The following GRIA4 variants were observed in gnomAD, a reference collection of about 807,000 sequenced individuals.
GRIA4 encodes glutamate receptor 4.
In GRIA4, 34 loss-of-function variants were observed where a neutral mutation model predicts 104.0. The ratio of observed to expected loss-of-function variants is 0.33; its 90% CI spans 0.25 to 0.44. The LOEUF (loss-of-function observed/expected upper bound fraction) is 0.44, where lower values mean the gene tolerates loss of function less well. Among genes scored for constraint, GRIA4 ranks in the 20% least tolerant of loss-of-function variants. GRIA4 has a pLI of 1.00. For synonymous variants in GRIA4, 386 were observed against 381.9 expected (o/e 1.01, Z -0.13); for missense variants, 750 against 1,096.5 (o/e 0.68, Z 4.46).
At chr11:105,840,511 T>C (rs1944353170) in intron 4 of GRIA4, among the ~76,000 whole-genome samples, 1 of 152,202 alleles carries the variant, frequency 6.6e-6, no homozygotes. Flanking sequence ...TTAACAGAAA[T>C]GTCCAAATAT....
intron 3 of GRIA4, among the ~76,000 whole-genome samples, chr11:105,647,959 A>AAAATAAATAAATAAAT (rs57841251): frequency 4.3e-4 from 64 of 147,958 alleles, no homozygotes; most frequent in Admixed American, 7.5e-4. Context: ...CCCCTGTATG[A>AAAATAAATAAATAAAT]AAATAAATAA....
At position 105,968,077 on chromosome 11, in the gene GRIA4, G is replaced by A. The variant is rs549024678; in HGVS notation, c.2295-3837G>A. 3.9e-4 allele frequency among the ~76,000 whole-genome samples: 59 copies of A among 152,302 alleles called. 2 individuals carry two copies. In the South Asian group the frequency reaches 0.011, roughly 27 times the overall value. On this transcript the variant is annotated intron_variant, in intron 14 of 16. Coordinates refer to ENST00000282499, the MANE Select transcript of GRIA4 (RefSeq NM_000829.4). ...CCAATGCTGCCAATTCAGTGCAGAA[G>A]GGAAAATACAGAGAGAACTCAGCAC...
chr11:105,660,267 A>G (rs1951967731), intron 3 of GRIA4, among the ~76,000 whole-genome samples: 1 of 151,768 alleles, frequency 6.6e-6, no homozygotes, highest in Non-Finnish European at 1.5e-5. Flanking sequence ...ATTAGAACCC[A>G]AAGGATAAAG....
chr11:105,947,590 T>C (rs1483611457), intron 14 of GRIA4, among the ~76,000 whole-genome samples: 2 of 152,230 alleles, frequency 1.3e-5, no homozygotes, highest in African/African-American at 4.8e-5. Context: ...CTCTGTTTTG[T>C]TGCTTAGTAA....
At chr11:105,695,516 G>A (rs61900312) in intron 3 of GRIA4, among the ~76,000 whole-genome samples, 71,263 of 151,100 alleles carry the variant, frequency 0.47, 17,682 homozygotes, top group Admixed American at 0.58. Flanking sequence ...GTGTGTGTGC[G>A]TGCGCGTTTG....
intron 7 of GRIA4, 145 bp downstream of exon 7, chr11:105,898,572 A>G (rs1946745753): frequency 3.3e-6 from 2 of 604,418 alleles, no homozygotes; most frequent in East Asian, 2.8e-5. Flanking sequence ...TGCCTTGCAC[A>G]TGCTCTTAAT....
chr11:105,747,828 T>C (rs1939753452), intron 3 of GRIA4, among the ~76,000 whole-genome samples: 1 of 152,176 alleles, frequency 6.6e-6, no homozygotes, highest in African/African-American at 2.4e-5. Context: ...GAGCATGTTA[T>C]CACTGCCAAA....
intron 3 of GRIA4, among the ~76,000 whole-genome samples, chr11:105,640,407 C>T (rs1205301864): frequency 1.3e-5 from 2 of 151,698 alleles, no homozygotes; most frequent in African/African-American, 2.4e-5. Context: ...ACAAACAAAA[C>T]AATTAAAATA....
chr11:105,649,699 C>T (rs182731949), intron 3 of GRIA4, among the ~76,000 whole-genome samples: 25 of 152,026 alleles, frequency 1.6e-4, no homozygotes, highest in African/African-American at 3.9e-4. Context: ...AATACTACTG[C>T]GAGTTTTAAT....
At chr11:105,960,697 A>T (rs1049928813) in intron 14 of GRIA4, among the ~76,000 whole-genome samples, 13 of 152,198 alleles carry the variant, frequency 8.5e-5, no homozygotes, top group Non-Finnish European at 1.9e-4. Context: ...AGCAGATTCC[A>T]GCTGAGAGGC....
intron 4 of GRIA4, among the ~76,000 whole-genome samples, chr11:105,776,281 C>T (rs1941446553): frequency 1.3e-5 from 2 of 151,850 alleles, no homozygotes; most frequent in South Asian, 4.2e-4. Context: ...TTATTTATGG[C>T]AGCAAAAAAA....
At chr11:105,688,106 A>T (rs1952943424) in intron 3 of GRIA4, among the ~76,000 whole-genome samples, 1 of 74,644 alleles carries the variant, frequency 1.3e-5, no homozygotes, top group African/African-American at 4.5e-5. Context: ...TCTGTCTCAT[A>T]TCTATATCTA....
At chr11:105,653,668 T>G (rs1234805142) in intron 3 of GRIA4, among the ~76,000 whole-genome samples, 2 of 152,160 alleles carry the variant, frequency 1.3e-5, no homozygotes, top group Non-Finnish European at 2.9e-5. Context: ...GCGAGTGTTT[T>G]TCAGAAAAAT....
intron 5 of GRIA4, among the ~76,000 whole-genome samples, chr11:105,869,074 G>A (rs549650174): frequency 1.3e-5 from 2 of 152,084 alleles, no homozygotes; most frequent in South Asian, 4.1e-4. Context: ...GTTAGAAAGG[G>A]GTGTCTAATT....
chr11:105,797,584 T>C, intron 4 of GRIA4: 1 of 204,498 alleles, frequency 4.9e-6, no homozygotes, highest in Non-Finnish European at 1.0e-5. Context: ...TTCATTCTAG[T>C]CACTCAAGAC....
At chr11:105,879,888 TC>T (rs1269452119) in intron 5 of GRIA4, among the ~76,000 whole-genome samples, 1 of 152,196 alleles carries the variant, frequency 6.6e-6, no homozygotes, top group African/African-American at 2.4e-5. Context: ...AAGTCTGAAT[TC>T]CTGTGGTCTA....
intron 3 of GRIA4, among the ~76,000 whole-genome samples, chr11:105,721,684 A>C (rs918133995): frequency 4.6e-5 from 7 of 152,202 alleles, no homozygotes; most frequent in Non-Finnish European, 8.8e-5. Flanking sequence ...TACACAAATT[A>C]CTTGTGCAAT....
At chr11:105,807,129 A>G (rs1426676144) in intron 4 of GRIA4, among the ~76,000 whole-genome samples, 1 of 151,758 alleles carries the variant, frequency 6.6e-6, no homozygotes, top group African/African-American at 2.4e-5. Flanking sequence ...TGAGGGAAAA[A>G]TCCTTATTTA....
chr11:105,908,405 G>T (rs969034628), intron 9 of GRIA4, among the ~76,000 whole-genome samples: 1 of 151,968 alleles, frequency 6.6e-6, no homozygotes, highest in Non-Finnish European at 1.5e-5. Flanking sequence ...AATGCAAAAC[G>T]CTGTGAAGAC....
Sources: gnomAD v4.1 joint callset for allele counts (sites outside exome capture counted in the v4.1 genomes callset) on GRCh38, gnomAD v4.1.1 for gene constraint, MANE v1.5 for transcripts, NCBI Gene and HGNC (gene_info 2026-07-23, HGNC 2026-07-21) for gene names.